The following SH3TC1 variants were observed in gnomAD, a reference collection of about 807,000 sequenced individuals.
The protein encoded by SH3TC1 is SH3 domain and tetratricopeptide repeats 1.
In SH3TC1, 135 loss-of-function variants were observed where a neutral mutation model predicts 117.3. The ratio of observed to expected loss-of-function variants is 1.15; its 90% CI spans 1.00 to 1.33. The LOEUF (loss-of-function observed/expected upper bound fraction) is 1.33, where lower values mean the gene tolerates loss of function less well. SH3TC1 is among the 40% of genes most tolerant of loss of function. SH3TC1 has a pLI of 0.00. For missense variants in SH3TC1, 2,092 were observed against 1,794.3 expected (o/e 1.17, Z -3.00); for synonymous variants, 898 against 816.9 (o/e 1.10, Z -1.69).
intron 2 of SH3TC1, among the ~76,000 whole-genome samples, chr4:8,208,016 G>T (rs1331976983): frequency 6.6e-6 from 1 of 152,188 alleles, no homozygotes; most frequent in Non-Finnish European, 1.5e-5. Context: ...CAGCAGTGGC[G>T]GGCTGGACAG....
Position 8,228,255 on chromosome 4 carries a change from C to T in SH3TC1, c.2561C>T (p.Ala854Val). ...ALDILQSVRD[A>V]VVASEDQEGV... ...GACATCCTGCAGTCTGTCCGGGATG[C>T]AGTGGTGGCCAGCGAGGACCAGGAG... Residue 854 changes from alanine (A) to valine (V), a missense_variant, in exon 12 of 18, where the codon GCA becomes GTA. Transcript: ENST00000245105. 1.2e-6 allele frequency: 2 copies of T among 1,611,662 alleles called. No homozygotes were observed. The highest frequency in any genetic ancestry group is 1.7e-6 in the Non-Finnish European group (2 of 1,179,348).
intron 1 of SH3TC1, among the ~76,000 whole-genome samples, chr4:8,188,433 C>A (rs1561670980): frequency 6.6e-6 from 1 of 152,206 alleles, no homozygotes; most frequent in Non-Finnish European, 1.5e-5. Flanking sequence ...TTTGTGGGAC[C>A]CCTCCCCTAC....
chr4:8,232,654 T>C (rs3775905), intron 13 of SH3TC1: 487,353 of 1,295,366 alleles, frequency 0.38, 93,693 homozygotes, highest in Non-Finnish European at 0.4. Flanking sequence ...TTGGCTCTCC[T>C]GGAGCATCCT....
chr4:8,187,643 C>T (rs1295451529), intron 1 of SH3TC1, among the ~76,000 whole-genome samples: 1 of 151,208 alleles, frequency 6.6e-6, no homozygotes, highest in Non-Finnish European at 1.5e-5. Flanking sequence ...CTTCCGCCTT[C>T]TGGGTTCAAG....
At chr4:8,188,017 G>A (rs911812211) in intron 1 of SH3TC1, among the ~76,000 whole-genome samples, 1 of 152,154 alleles carries the variant, frequency 6.6e-6, no homozygotes, top group African/African-American at 2.4e-5. Flanking sequence ...ACTATTGGTC[G>A]GTTGATGGAT....
chr4:8,215,297 C>T (rs529011010), intron 5 of SH3TC1: 7 of 453,326 alleles, frequency 1.5e-5, no homozygotes, highest in East Asian at 7.0e-5. Flanking sequence ...CAGGCTCTAA[C>T]GGAGCCTCCC....
At chr4:8,203,428 C>T (rs1272361381) in intron 1 of SH3TC1, among the ~76,000 whole-genome samples, 1 of 152,044 alleles carries the variant, frequency 6.6e-6, no homozygotes, top group Non-Finnish European at 1.5e-5. Context: ...TGCCAGTTGG[C>T]ACCTACTGTC....
rs544990567 is a variant in SH3TC1 at position 8,190,028 on chromosome 4, C to T, written c.-57+7818C>T. Among the ~76,000 whole-genome samples the T allele has an allele frequency of 4.6e-4, 70 of 152,128 alleles. No individual in the cohort carries two copies. The highest frequency in any genetic ancestry group is 7.5e-4 in the Non-Finnish European group (51 of 68,008). Reference sequence around the variant, plus strand: ...TGTGCCTGGGTAGTTTTGGGGAGCGCGGCGTGGGTGCGTTGATGCGAGGCC... The same window carrying T: ...TGTGCCTGGGTAGTTTTGGGGAGCGTGGCGTGGGTGCGTTGATGCGAGGCC... On this transcript the variant is annotated intron_variant, in intron 1 of 16. Coordinates refer to the SH3TC1 transcript ENST00000508641. The surrounding 1 kb of genome is among the most constrained non-coding windows in gnomAD (Gnocchi z 4.7).
rs1471226968 is a variant in SH3TC1, at chr4:8,183,408, A to G, written c.-57+1198A>G. 6.6e-6 allele frequency among the ~76,000 whole-genome samples: 1 copy of G among 152,080 alleles called. No individual in the cohort carries two copies. Among genetic ancestry groups the G allele is most frequent in the Non-Finnish European group, 1.5e-5 (1 of 67,992 alleles). On this transcript the variant is annotated intron_variant, in intron 1 of 16. Coordinates refer to the SH3TC1 transcript ENST00000508641. The surrounding 1 kb of genome is among the most constrained non-coding windows in gnomAD (Gnocchi z 5.4). The stretch of plus-strand genomic sequence containing the variant: ...CCCTGCCCCACGCATCTCTGTGATT[A>G]ACTCACTCCCTGTACAGTAGAGGGA...
intron 15 of SH3TC1, 86 bp downstream of exon 15, chr4:8,235,641 C>G (rs528624816): frequency 6.9e-7 from 1 of 1,445,618 alleles, no homozygotes; most frequent in Non-Finnish European, 9.2e-7. Context: ...GCAGAGCCCT[C>G]GCACCTGGAG....
Position 8,227,094 on chromosome 4 carries a change from GTC to G in SH3TC1, c.1404_1405del (p.Ala470GlyfsTer114). ...TGCCCCCAGGAGCCAGCGTCCTGGG[GTC>G]TCTGTGCGGCATCCAGCGACGTGAG... On this transcript the variant is annotated frameshift_variant, in exon 12 of 18. Transcript: ENST00000245105. LOFTEE classifies it high-confidence loss of function. 1.2e-6 allele frequency: 2 copies of G among 1,612,590 alleles called. No individual in the cohort carries two copies.
rs1578631658 is a variant in SH3TC1 at position 8,186,514 on chromosome 4, T to C, written c.-57+4304T>C. 2.0e-5 allele frequency among the ~76,000 whole-genome samples: 3 copies of C among 152,220 alleles called. No homozygotes were observed. Among genetic ancestry groups the C allele is most frequent in the Non-Finnish European group, 2.9e-5 (2 of 68,038 alleles). On this transcript the variant is annotated intron_variant, in intron 1 of 16. Transcript: ENST00000508641. The surrounding 1 kb of genome is among the most constrained non-coding windows in gnomAD (Gnocchi z 5.2). ...AGCAGGTCCACGTTGGTTTACTGAA[T>C]GTGACAGGTTACGCAGGTGTGAGAT...
chr4:8,197,062 A>G (rs1717576771), upstream of SH3TC1, among the ~76,000 whole-genome samples: 1 of 152,182 alleles, frequency 6.6e-6, no homozygotes, highest in African/African-American at 2.4e-5. Flanking sequence ...GGGTCTCCAG[A>G]TGAGATCATC....
chr4:8,210,397 C>T lies in SH3TC1; in HGVS notation c.247+575C>T, dbSNP rs143647856. ...GCGGTGATGCCCGACTGTCCTTTGA[C>T]TTTCCTTTTGTGTGGTCAGCACTGC... On this transcript the variant is annotated intron_variant, in intron 3 of 17. Coordinates refer to ENST00000245105, the MANE Select transcript of SH3TC1 (RefSeq NM_018986.5). The surrounding 1 kb of genome is among the most constrained non-coding windows in gnomAD (Gnocchi z 4.1). 1.7e-3 allele frequency among the ~76,000 whole-genome samples: 264 copies of T among 152,386 alleles called. No individual in the cohort carries two copies. Among genetic ancestry groups the T allele is most frequent in the Admixed American group, 4.6e-3 (71 of 15,306 alleles).
Position 8,228,377 on chromosome 4 carries a change from G to T in SH3TC1, c.2683G>T (p.Asp895Tyr). 6.2e-7 allele frequency: 1 copy of T among 1,611,156 alleles called. No homozygotes were observed. The highest frequency in any genetic ancestry group is 8.5e-7 in the Non-Finnish European group (1 of 1,179,298). ...CTACCGCGCCCTGCGGGTGGCTCGG[G>T]ACCTGGGCCAGCAAAGGAACCAGGC... ...SYYRALRVARDLGQQRNQAVG... is the reference protein window; with the variant it reads ...SYYRALRVARYLGQQRNQAVG... Residue 895 changes from aspartate (D) to tyrosine (Y), a missense_variant, in exon 12 of 18, where the codon GAC (aspartate) becomes TAC (tyrosine). Asp to Tyr is a radical substitution (Grantham distance 160, BLOSUM62 -3). Transcript: ENST00000245105.
rs909573900 is a variant in SH3TC1 at position 8,190,099 on chromosome 4, C to T, written c.-57+7889C>T. On this transcript the variant is annotated intron_variant, in intron 1 of 16. Transcript: ENST00000508641. This position sits in a 1 kb window ranked among gnomAD's most constrained non-coding sequence, Gnocchi z 4.7. ...TAGCACTTGAGGTTTTGCTGGGAGGCGGCAGCACTGGCCGCAGGTGCCTGC... is the reference window on the plus strand; with the variant it reads ...TAGCACTTGAGGTTTTGCTGGGAGGTGGCAGCACTGGCCGCAGGTGCCTGC... Among the ~76,000 whole-genome samples the T allele has an allele frequency of 2.0e-5, 3 of 152,204 alleles. No homozygotes were observed. Among genetic ancestry groups the T allele is most frequent in the Admixed American group, 6.5e-5 (1 of 15,286 alleles).
chr4:8,214,365 C>G (rs1348931224), intron 4 of SH3TC1, 110 bp from the exon 5 acceptor site: 7 of 968,920 alleles, frequency 7.2e-6, no homozygotes, highest in Non-Finnish European at 9.3e-6. Context: ...GTGTGTCGTC[C>G]CCCGCCGGGG....
intron 16 of SH3TC1, chr4:8,237,157 C>T: frequency 3.1e-6 from 1 of 322,794 alleles, no homozygotes; most frequent in Non-Finnish European, 5.6e-6. Context: ...TGCCTGGAGC[C>T]CTGGTGCCCA....
At chr4:8,230,105 G>A (rs1163766067) in intron 12 of SH3TC1, among the ~76,000 whole-genome samples, 3 of 152,284 alleles carry the variant, frequency 2.0e-5, no homozygotes, top group Non-Finnish European at 2.9e-5. Flanking sequence ...TACCCCACAT[G>A]CTTACTTGTG....
Sources: allele counts gnomAD v4.1 joint callset (sites outside exome capture counted in the v4.1 genomes callset), GRCh38; gene constraint gnomAD v4.1.1; non-coding constraint Gnocchi (gnomAD v3.1); transcripts MANE v1.5; gene names NCBI Gene and HGNC (gene_info 2026-07-23, HGNC 2026-07-21).